The following KCNMA1 variants were observed in gnomAD, a reference collection of about 807,000 sequenced individuals.
The protein encoded by KCNMA1 is potassium calcium-activated channel subfamily M alpha 1.
A neutral mutation model predicts 140.0 loss-of-function variants in KCNMA1; 29 were observed. That is an observed-to-expected ratio of 0.21 (90% confidence interval 0.15 to 0.28). KCNMA1 has a LOEUF of 0.28. Among genes scored for constraint, KCNMA1 ranks in the 10% least tolerant of loss-of-function variants. The pLI, the probability that KCNMA1 is intolerant of heterozygous loss-of-function variation, is 1.00. For missense variants in KCNMA1, 880 were observed against 1,602.2 expected, an observed-to-expected ratio of 0.55 and a Z score of 7.70; for synonymous variants, 612 against 611.9, an observed-to-expected ratio of 1.00 and a Z score of 0.00.
intron 21 of KCNMA1, among the ~76,000 whole-genome samples, chr10:76,949,981 G>A (rs1258868758): frequency 6.6e-6 from 1 of 152,018 alleles, no homozygotes; most frequent in Non-Finnish European, 1.5e-5. Context: ...GCTAAAAATT[G>A]TTTTTGTGCT....
chr10:77,160,621 A>G (rs576547435), intron 5 of KCNMA1, among the ~76,000 whole-genome samples: 103 of 152,338 alleles, frequency 6.8e-4, no homozygotes, highest in African/African-American at 2.3e-3. Flanking sequence ...TACTTGTGTG[A>G]CACTGCAGAC....
At chr10:77,549,473 C>T (rs776598649) in intron 1 of KCNMA1, among the ~76,000 whole-genome samples, 10 of 152,158 alleles carry the variant, frequency 6.6e-5, no homozygotes, top group Non-Finnish European at 1.3e-4. Context: ...AGAGGTGATC[C>T]TCCTATCTGC....
rs1213738691 is a variant in KCNMA1, at chr10:77,524,839, T to G, written c.378+112426A>C. ...GCTCTAAAGACTACTCAGAGGGTTA[T>G]GCGGGAGGGAAGAGGAGGAAATAAT... On this transcript the variant is annotated intron_variant, in intron 1 of 27. Coordinates refer to ENST00000286628, the MANE Select transcript of KCNMA1 (RefSeq NM_001161352.2). Among the ~76,000 whole-genome samples the G allele has an allele frequency of 4.6e-5, 7 of 152,312 alleles. No homozygotes were observed. In the East Asian group the frequency reaches 1.3e-3, roughly 29 times the overall value.
chr10:77,388,233 G>A (rs1603455373), intron 2 of KCNMA1, among the ~76,000 whole-genome samples: 2 of 152,176 alleles, frequency 1.3e-5, no homozygotes, highest in East Asian at 3.9e-4. Context: ...CTGGTATGAA[G>A]GCTCTTCATT....
chr10:77,222,662 T>C (rs1297484467), intron 3 of KCNMA1, among the ~76,000 whole-genome samples: 1 of 152,210 alleles, frequency 6.6e-6, no homozygotes, highest in East Asian at 1.9e-4. Flanking sequence ...ATTAATCTGC[T>C]CCTGTTGTAT....
intron 1 of KCNMA1, among the ~76,000 whole-genome samples, chr10:77,608,355 G>A (rs577719841): frequency 5.9e-5 from 9 of 152,122 alleles, no homozygotes; most frequent in East Asian, 1.9e-4. Context: ...TGTATTTTTC[G>A]TAGAGATGGA....
In KCNMA1 at chr10:76,887,316, A is replaced by T. The variant is rs1313181359; in HGVS notation, c.3661T>A (p.Ser1221Thr). 1 of 1,614,042 alleles carries T rather than the reference A, an allele frequency of 6.2e-7. No individual in the cohort carries two copies. The highest frequency in any genetic ancestry group is 1.7e-5 in the Admixed American group (1 of 60,004). Residue 1221 changes from serine (S) to threonine (T), a missense_variant, in exon 28 of 28, where the codon TCC (serine) becomes ACC (threonine). Around this residue, in one of 13 missense-constraint regions of KCNMA1, gnomAD observed 115 missense variants for 139.9 expected, o/e 0.82. Transcript: ENST00000286628. ...TTCTGTTTGTCCCGGGACTCCCTGG[A>T]CTTGGGCCGGTTCTGTCGGTTTGCT... ...STANRQNRPKSRESRDKQKYV... is the reference protein window; with the variant it reads ...STANRQNRPKTRESRDKQKYV...
chr10:77,498,065 A>G (rs1408865957), intron 1 of KCNMA1, among the ~76,000 whole-genome samples: 1 of 152,178 alleles, frequency 6.6e-6, no homozygotes, highest in Admixed American at 6.5e-5. Flanking sequence ...GGTGCCATCA[A>G]TGTGCCAAAA....
chr10:77,070,030 G>A (rs2096131868), intron 14 of KCNMA1, among the ~76,000 whole-genome samples: 1 of 152,116 alleles, frequency 6.6e-6, no homozygotes, highest in African/African-American at 2.4e-5. Context: ...TGGCCAGGCT[G>A]GTCTCGAACT....
Position 77,038,544 on chromosome 10 carries a change from T to TTCA in KCNMA1, c.1859+983_1859+984insTGA, listed in dbSNP as rs768788242. Among the ~76,000 whole-genome samples the TTCA allele has an allele frequency of 8.3e-4, 126 of 152,148 alleles. 1 individual carries two copies. Among genetic ancestry groups the TTCA allele is most frequent in the South Asian group, 1.9e-3 (9 of 4,812 alleles). On this transcript the variant is annotated intron_variant, in intron 15 of 27. Transcript: ENST00000286628. ...ATCTTAAACTCAACATCTGAGATTT[T>TTCA]TTATTATTATTATTTTAGAGATACA... is the stretch of plus-strand genomic sequence containing the variant.
chr10:77,183,637 C>T lies in KCNMA1; in HGVS notation c.697-105G>A, dbSNP rs560575811. Reference sequence around the variant, plus strand: ...GGGTAAGTTTTGAGTTTTCATAGGGCCACCACGCCCGGCTAATTTTTGTAT... The same window carrying T: ...GGGTAAGTTTTGAGTTTTCATAGGGTCACCACGCCCGGCTAATTTTTGTAT... On this transcript the variant is annotated intron_variant, in intron 4 of 27. Transcript: ENST00000286628. 404 of 770,480 alleles carry T rather than the reference C, an allele frequency of 5.2e-4. 1 individual carries two copies. Among genetic ancestry groups the T allele is most frequent in the Non-Finnish European group, 8.4e-4 (377 of 446,446 alleles). The allele number at this position is 770,480 out of a possible 1,614,324, so 47.7% of individuals were successfully genotyped here.
intron 1 of KCNMA1, among the ~76,000 whole-genome samples, chr10:77,497,860 A>G (rs112328001): frequency 6.9e-4 from 105 of 152,306 alleles, no homozygotes; most frequent in Middle Eastern, 3.4e-3. Context: ...TTGTCCCCCA[A>G]TTCCCACACT....
chr10:76,969,286 G>GAAGGAAGGAAGAAGGT (rs2075185448), intron 20 of KCNMA1, among the ~76,000 whole-genome samples: 1 of 145,268 alleles, frequency 6.9e-6, no homozygotes, highest in African/African-American at 2.6e-5. Flanking sequence ...GGGAAGAAGG[G>GAAGGAAGGAAGAAGGT]AAGGAAGGAA....
At chr10:77,489,148 A>G (rs1278153794) in intron 1 of KCNMA1, among the ~76,000 whole-genome samples, 1 of 152,166 alleles carries the variant, frequency 6.6e-6, no homozygotes, top group Non-Finnish European at 1.5e-5. Flanking sequence ...TGACAGACAA[A>G]AGATAGGGTG....
At chr10:77,390,602 C>T (rs1200066269) in intron 2 of KCNMA1, among the ~76,000 whole-genome samples, 1 of 152,244 alleles carries the variant, frequency 6.6e-6, no homozygotes, top group Non-Finnish European at 1.5e-5. Context: ...TGAGGCATAA[C>T]ACCAGGCAGA....
chr10:76,955,415 A>G (rs1031493564), intron 20 of KCNMA1, among the ~76,000 whole-genome samples: 3 of 152,190 alleles, frequency 2.0e-5, no homozygotes, highest in African/African-American at 7.2e-5. Flanking sequence ...ATAAGGTGAG[A>G]AAACTTTCTC....
chr10:77,511,084 G>A (rs1603631247), intron 1 of KCNMA1, among the ~76,000 whole-genome samples: 1 of 152,216 alleles, frequency 6.6e-6, no homozygotes, highest in Admixed American at 6.5e-5. Flanking sequence ...GGCTGCTGCA[G>A]ATCAGCAGTC....
intron 24 of KCNMA1, chr10:76,914,049 C>T (rs1335523237): frequency 6.5e-7 from 1 of 1,544,642 alleles, no homozygotes; most frequent in East Asian, 2.4e-5. Context: ...GAAAACAGTG[C>T]TTCTTACCCA....
intron 2 of KCNMA1, among the ~76,000 whole-genome samples, chr10:77,398,082 T>G (rs12768383): frequency 8.2e-6 from 1 of 122,666 alleles, no homozygotes; most frequent in African/African-American, 3.1e-5. Context: ...GTGTGTGTAT[T>G]TTTTTTTTCT....
Sources: allele counts gnomAD v4.1 joint callset (sites outside exome capture counted in the v4.1 genomes callset), GRCh38; gene constraint gnomAD v4.1.1; regional missense constraint gnomAD v4.1.1; transcripts MANE v1.5; gene names NCBI Gene and HGNC (gene_info 2026-07-23, HGNC 2026-07-21).